Variants in CASKIN2 observed in about 807,000 individuals in gnomAD.
CASKIN2 encodes the protein CASK interacting protein 2.
A neutral mutation model predicts 107.1 loss-of-function variants in CASKIN2; 41 were observed. The ratio of observed to expected loss-of-function variants is 0.38; its 90% CI spans 0.30 to 0.50. The LOEUF is 0.50. Among genes scored for constraint, CASKIN2 ranks in the 20% least tolerant of loss-of-function variants. The pLI is 0.92. For missense variants in CASKIN2, 1,546 were observed against 1,657.4 expected, an observed-to-expected ratio of 0.93 and a Z score of 1.17; for synonymous variants, 724 against 705.6, an observed-to-expected ratio of 1.03 and a Z score of -0.41.
At position 75,503,004 on chromosome 17, in the gene CASKIN2, G is replaced by C. The variant is rs1272191068; in HGVS notation, c.2070C>G (p.Leu690=). The C allele has an allele frequency of 3.1e-6, 5 of 1,606,404 alleles. No homozygotes were observed. Among genetic ancestry groups the C allele is most frequent in the Non-Finnish European group, 3.4e-6 (4 of 1,178,404 alleles). Residue 690 remains leucine (L), a synonymous_variant, in exon 18 of 20, where the codon CTC becomes CTG. Transcript: ENST00000321617. ...CCTGGCTGGGAGAGCGGGCAGGTGG[G>C]AGGGGGAGTGGTTCAGGGCCACCCC... ...MAGGGPEPLP[L]PPARSPSQES...
intron 2 of CASKIN2, among the ~76,000 whole-genome samples, chr17:75,513,176 G>A (rs544624831): frequency 4.9e-5 from 7 of 142,370 alleles, no homozygotes; most frequent in Non-Finnish European, 9.3e-5. Context: ...AGTGACTCAC[G>A]CCTGTAATCC....
chr17:75,508,350 C>G lies in CASKIN2; in HGVS notation c.95-65G>C, dbSNP rs1172609733. 30 of 1,543,864 alleles carry G rather than the reference C, an allele frequency of 1.9e-5. No homozygotes were observed. In the East Asian group the frequency reaches 3.7e-4, roughly 19 times the overall value. Reference sequence around the variant, plus strand: ...CTGCCCTCACTCAGCATCCCTCCCCCCACCTGTCACAGCCCGGCTGACCTC... The same window carrying G: ...CTGCCCTCACTCAGCATCCCTCCCCGCACCTGTCACAGCCCGGCTGACCTC... On this transcript the variant is annotated intron_variant, in intron 2 of 19. Coordinates refer to ENST00000321617, the MANE Select transcript of CASKIN2 (RefSeq NM_020753.5).
intron 16 of CASKIN2, 57 bp from the exon 17 acceptor site, chr17:75,503,584 G>A: frequency 3.1e-6 from 5 of 1,603,488 alleles, no homozygotes; most frequent in Admixed American, 1.7e-5. Flanking sequence ...CCAGCCAGAG[G>A]AGAAAAGGCA....
At position 75,501,185 on chromosome 17, in the gene CASKIN2, A is replaced by G; in HGVS notation, c.3519-15T>C. 1.9e-6 allele frequency: 3 copies of G among 1,571,242 alleles called. No individual in the cohort carries two copies. Among genetic ancestry groups the G allele is most frequent in the Non-Finnish European group, 1.7e-6 (2 of 1,158,022 alleles). On this transcript the variant is annotated splice_polypyrimidine_tract_variant and intron_variant, in intron 19 of 19. Coordinates refer to ENST00000321617, the MANE Select transcript of CASKIN2 (RefSeq NM_020753.5). ...CGCTGGGGGTGCTGCAGCAAGGGGA[A>G]GGATGCGGTCAGATCAGCCAGTGGC... is the stretch of plus-strand genomic sequence containing the variant.
rs1403118419 is a variant in CASKIN2, at chr17:75,507,573, G to A, written c.244+11C>T. 4 of 1,605,692 alleles carry A rather than the reference G, an allele frequency of 2.5e-6. No individual in the cohort carries two copies. The highest frequency in any genetic ancestry group is 3.4e-6 in the Non-Finnish European group (4 of 1,173,622). ...CCCAGGGTGGGGGTCGGGGGCACAT[G>A]GGGGTCTCACCATTGCTGTCCTTGA... On this transcript the variant is annotated intron_variant, in intron 4 of 19. Coordinates refer to ENST00000321617, the MANE Select transcript of CASKIN2 (RefSeq NM_020753.5).
chr17:75,511,545 T>A (rs1254620068), intron 2 of CASKIN2, among the ~76,000 whole-genome samples: 1 of 152,192 alleles, frequency 6.6e-6, no homozygotes, highest in African/African-American at 2.4e-5. Flanking sequence ...GTGAGGAAAT[T>A]ATAATATTTC....
intron 2 of CASKIN2, among the ~76,000 whole-genome samples, chr17:75,509,232 G>T (rs1245463679): frequency 6.6e-6 from 1 of 152,236 alleles, no homozygotes; most frequent in African/African-American, 2.4e-5. Flanking sequence ...TTGAAGTGCT[G>T]GGGAGGGAAG....
chr17:75,505,617 C>T lies in CASKIN2; in HGVS notation c.870G>A (p.Lys290=). The change falls in exon 10 of 20, where the codon AAG becomes AAA. Residue 290 remains lysine (K), a synonymous_variant. Transcript: ENST00000321617. This position sits in a 1 kb window ranked among gnomAD's most constrained non-coding sequence, Gnocchi z 5.1. ...ASGILKVRAL[K]DFWNLHDPTA... ...TGGGATCGTGGAGGTTCCAGAAATC[C>T]TTGAGCGCTCGGACCTTCAGGATCC... The T allele has an allele frequency of 1.9e-6, 3 of 1,613,448 alleles. No homozygotes were observed. Among genetic ancestry groups the T allele is most frequent in the Non-Finnish European group, 2.5e-6 (3 of 1,179,968 alleles).
At position 75,506,872 on chromosome 17, in the gene CASKIN2, T is replaced by A. The variant is rs1466531127; in HGVS notation, c.413A>T (p.Gln138Leu). 1.9e-6 allele frequency: 3 copies of A among 1,612,200 alleles called. No individual in the cohort carries two copies. The highest frequency in any genetic ancestry group is 2.5e-6 in the Non-Finnish European group (3 of 1,179,400). The change falls in exon 6 of 20, where the codon CAG (glutamine) becomes CTG (leucine). Residue 138 changes from glutamine (Q) to leucine (L), a missense_variant. Physicochemically the swap from Gln to Leu is moderately radical, Grantham distance 113. Coordinates refer to ENST00000321617, the MANE Select transcript of CASKIN2 (RefSeq NM_020753.5). This position sits in a 1 kb window ranked among gnomAD's most constrained non-coding sequence, Gnocchi z 4.8. ...CTTGTTGACCAGGCATGGGTTGGAC[T>A]GATGCTGGAGGAGCATTTCTGACTG... is the stretch of plus-strand genomic sequence containing the variant. ...YEVSEMLLQH[Q>L]SNPCLVNKAK...
chr17:75,503,395 T>C lies in CASKIN2; in HGVS notation c.1813A>G (p.Lys605Glu). Residue 605 changes from lysine (K) to glutamate (E), a missense_variant, in exon 17 of 20, where the codon AAG (lysine) becomes GAG (glutamate). Physicochemically the swap from Lys to Glu is moderately conservative, Grantham distance 56. This residue lies in a region of CASKIN2 where 1,311 missense variants were observed against 1,311.0 expected (regional missense o/e 1.00). Coordinates refer to ENST00000321617, the MANE Select transcript of CASKIN2 (RefSeq NM_020753.5). Reference protein sequence around the residue: ...WEELQEIGVNKLGHQKKLMLG... With the variant: ...WEELQEIGVNELGHQKKLMLG... The stretch of plus-strand genomic sequence containing the variant: ...GCCTCAGGACAGTCCTTACCGAGCT[T>C]GTTGACCCCAATCTCCTGCAGCTCC... 1 of 1,612,038 alleles carries C rather than the reference T, an allele frequency of 6.2e-7. No homozygotes were observed.
chr17:75,501,017 C>T lies in CASKIN2; in HGVS notation c.*63G>A. 2 of 1,482,304 alleles carry T rather than the reference C, an allele frequency of 1.3e-6. No individual in the cohort carries two copies. Among genetic ancestry groups the T allele is most frequent in the South Asian group, 2.4e-5 (2 of 82,648 alleles). 91.8% of individuals were successfully genotyped at this position (1,482,304 alleles called of 1,614,324 possible). A position where few individuals can be genotyped will look rare whatever the true frequency, so the allele number is the denominator to read the frequency against. Reference sequence around the variant, plus strand: ...GGCCCGTCCCTAGGGTGGCAGGGGCCTCTTCTGTGCTGGGGCAAAGGCAGT... The same window carrying T: ...GGCCCGTCCCTAGGGTGGCAGGGGCTTCTTCTGTGCTGGGGCAAAGGCAGT... On this transcript the variant is annotated 3_prime_UTR_variant, in exon 20 of 20. Coordinates refer to ENST00000321617, the MANE Select transcript of CASKIN2 (RefSeq NM_020753.5).
In CASKIN2 at chr17:75,504,567, C is replaced by T. The variant is rs2053243415; in HGVS notation, c.1314+5G>A. On this transcript the variant is annotated splice_donor_5th_base_variant and intron_variant, in intron 12 of 19. Transcript: ENST00000321617. ...CTGACCTGGTCCGTGACCCCATCAT[C>T]CTACCTGGGCGTTCTCAATCAGGAG... 4 of 1,595,272 alleles carry T rather than the reference C, an allele frequency of 2.5e-6. No individual in the cohort carries two copies. The highest frequency in any genetic ancestry group is 3.4e-6 in the Non-Finnish European group (4 of 1,166,808).
chr17:75,501,248 G>A, intron 19 of CASKIN2, 78 bp from the exon 20 acceptor site: 1 of 1,360,314 alleles, frequency 7.4e-7, no homozygotes, highest in Non-Finnish European at 1.0e-6. Context: ...AGCTGTCATA[G>A]CTCCCAGAGG....
chr17:75,506,236 C>T lies in CASKIN2; in HGVS notation c.726+69G>A. ...GCTGGAGTCCTCCGTCCCGTACCTC[C>T]CCAGCCAGTCAGGGGCACAGGGCAG... On this transcript the variant is annotated intron_variant, in intron 8 of 19. Coordinates refer to ENST00000321617, the MANE Select transcript of CASKIN2 (RefSeq NM_020753.5). The surrounding 1 kb of genome is among the most constrained non-coding windows in gnomAD (Gnocchi z 4.8). The T allele has an allele frequency of 7.2e-7, 1 of 1,380,054 alleles. No individual in the cohort carries two copies. The allele number at this position is 1,380,054 out of a possible 1,614,324, so 85.5% of individuals were successfully genotyped here.
At chr17:75,510,548 T>A (rs1018470467) in intron 2 of CASKIN2, among the ~76,000 whole-genome samples, 4 of 151,970 alleles carry the variant, frequency 2.6e-5, no homozygotes, top group African/African-American at 9.7e-5. Context: ...CTGTGATGAG[T>A]CTGATTTTGA....
chr17:75,502,985 T>C lies in CASKIN2; in HGVS notation c.2089A>G (p.Ser697Gly), dbSNP rs2053220069. Residue 697 changes from serine to glycine, a missense_variant, in exon 18 of 20, where the codon AGC becomes GGC. Coordinates refer to ENST00000321617, the MANE Select transcript of CASKIN2 (RefSeq NM_020753.5). The surrounding 1 kb of genome is among the most constrained non-coding windows in gnomAD (Gnocchi z 4.3). ...PLPLPPARSPSQESIGARSRG... is the reference protein window; with the variant it reads ...PLPLPPARSPGQESIGARSRG... ...GAGCGTGCCCCGATGCTCTCCTGGC[T>C]GGGAGAGCGGGCAGGTGGGAGGGGG... 1 of 1,604,910 alleles carries C rather than the reference T, an allele frequency of 6.2e-7. No individual in the cohort carries two copies. The highest frequency in any genetic ancestry group is 1.7e-5 in the Admixed American group (1 of 59,648).
Position 75,503,835 on chromosome 17 carries a change from C to G in CASKIN2, c.1578+17G>C. The G allele has an allele frequency of 2.5e-6, 4 of 1,612,012 alleles. No homozygotes were observed. The highest frequency in any genetic ancestry group is 3.4e-6 in the Non-Finnish European group (4 of 1,179,592). ...TCCCCCGCCCGCTGGGTGCTGCTTCCCGGCTGCAGCACCCACCTCAGGTGT... is the reference window on the plus strand; with the variant it reads ...TCCCCCGCCCGCTGGGTGCTGCTTCGCGGCTGCAGCACCCACCTCAGGTGT... On this transcript the variant is annotated intron_variant, in intron 15 of 19. Coordinates refer to ENST00000321617, the MANE Select transcript of CASKIN2 (RefSeq NM_020753.5).
chr17:75,502,664 G>A lies in CASKIN2; in HGVS notation c.2410C>T (p.Pro804Ser), dbSNP rs761740629. ...PKRRSHSLSR[P>S]GPTEGDAEGE... is the part of the protein sequence containing the mutation. ...TCAGCATCCCCCTCTGTGGGGCCAG[G>A]GCGGCTTAGGCTGTGGGACCGGCGC... The change falls in exon 18 of 20, where the codon CCT becomes TCT. Residue 804 changes from proline (P) to serine (S), a missense_variant. Around this residue, in one of 6 missense-constraint regions of CASKIN2, gnomAD observed 1,311 missense variants for 1,311.0 expected, o/e 1.00. Coordinates refer to ENST00000321617, the MANE Select transcript of CASKIN2 (RefSeq NM_020753.5). The surrounding 1 kb of genome is among the most constrained non-coding windows in gnomAD (Gnocchi z 4.3). 12 of 1,603,354 alleles carry A rather than the reference G, an allele frequency of 7.5e-6. No individual in the cohort carries two copies. The South Asian group carries it at 7.8e-5, about 10-fold the overall frequency.
intron 3 of CASKIN2, 105 bp downstream of exon 3, chr17:75,508,129 A>T: frequency 7.9e-7 from 1 of 1,267,888 alleles, no homozygotes; most frequent in Non-Finnish European, 1.1e-6. Flanking sequence ...CAAGTCTGAG[A>T]GGGAAAGGGA....
Sources: gnomAD v4.1 joint callset for allele counts (sites outside exome capture counted in the v4.1 genomes callset) on GRCh38, gnomAD v4.1.1 for gene constraint, gnomAD v4.1.1 regional missense constraint, Gnocchi (gnomAD v3.1) non-coding constraint, MANE v1.5 for transcripts, NCBI Gene and HGNC (gene_info 2026-07-23, HGNC 2026-07-21) for gene names.